The following ZPBP variants were observed in gnomAD, a reference collection of about 807,000 sequenced individuals.
The protein encoded by ZPBP is zona pellucida binding protein.
In ZPBP, 26 loss-of-function variants were observed where a neutral mutation model predicts 44.8. That is an observed-to-expected ratio of 0.58 (90% CI 0.43 to 0.81). The LOEUF (loss-of-function observed/expected upper bound fraction) is 0.81, where lower values mean the gene tolerates loss of function less well. Among genes scored for constraint, ZPBP ranks in the 30% least tolerant of loss-of-function variants. The pLI is 0.00. For missense variants in ZPBP, 409 were observed against 434.0 expected, an observed-to-expected ratio of 0.94 and a Z score of 0.51; for synonymous variants, 174 against 153.2, an observed-to-expected ratio of 1.14 and a Z score of -1.00.
rs184249442 is a variant in ZPBP at position 50,059,989 on chromosome 7, G to A, written c.335-1848C>T. ...CAGAAGGAAGGCATTGAGAGTAGTC[G>A]GAGGGAGGACACAGATCCTGGACTG... On this transcript the variant is annotated intron_variant, in intron 3 of 7. Coordinates refer to ENST00000046087, the MANE Select transcript of ZPBP (RefSeq NM_007009.3). 6.6e-5 allele frequency among the ~76,000 whole-genome samples: 10 copies of A among 152,090 alleles called. No individual in the cohort carries two copies. In the East Asian group the frequency reaches 9.7e-4, roughly 15 times the overall value.
chr7:49,936,399 T>C (rs1794621584), downstream of ZPBP, among the ~76,000 whole-genome samples: 1 of 152,344 alleles, frequency 6.6e-6, no homozygotes. Context: ...GTTATATTTG[T>C]ACATAGCATG....
chr7:50,086,018 A>G (rs1802622615), intron 2 of ZPBP, among the ~76,000 whole-genome samples: 1 of 152,134 alleles, frequency 6.6e-6, no homozygotes, highest in Admixed American at 6.6e-5. Flanking sequence ...GTACGTCACA[A>G]CGTGCACAAA....
chr7:49,910,453 GC>G (rs1403876438), intron 1 of ZPBP, among the ~76,000 whole-genome samples: 1 of 152,146 alleles, frequency 6.6e-6, no homozygotes, highest in Non-Finnish European at 1.5e-5. Context: ...TGAGAATTTT[GC>G]AAACTGTTGA....
intron 4 of ZPBP, among the ~76,000 whole-genome samples, chr7:50,041,040 T>G (rs1277390320): frequency 6.6e-6 from 1 of 152,162 alleles, no homozygotes; most frequent in Non-Finnish European, 1.5e-5. Flanking sequence ...TAAAGCTGCC[T>G]GGAAGTTTGA....
At chr7:49,961,803 T>C (rs889768233) in intron 7 of ZPBP, among the ~76,000 whole-genome samples, 1 of 152,092 alleles carries the variant, frequency 6.6e-6, no homozygotes, top group Non-Finnish European at 1.5e-5. Flanking sequence ...TGTTGAGGAC[T>C]TCATAGGAGG....
At chr7:49,882,095 G>C (rs1012712754) in intron 2 of ZPBP, among the ~76,000 whole-genome samples, 36 of 152,186 alleles carry the variant, frequency 2.4e-4, no homozygotes, top group African/African-American at 8.7e-4. Flanking sequence ...AACAAAAAAT[G>C]ATGTATAAAC....
chr7:50,085,480 C>G (rs962541011), intron 2 of ZPBP, among the ~76,000 whole-genome samples: 1 of 151,994 alleles, frequency 6.6e-6, no homozygotes, highest in Admixed American at 6.6e-5. Context: ...CCATGACAAC[C>G]AACAGTTTAC....
At chr7:49,924,863 C>T (rs535383332) in intron 1 of ZPBP, among the ~76,000 whole-genome samples, 14 of 152,208 alleles carry the variant, frequency 9.2e-5, no homozygotes, top group African/African-American at 1.7e-4. Flanking sequence ...GTCTGTTCCA[C>T]GGCTTCCTTA....
rs750530637 is a variant in ZPBP, at chr7:50,018,193, T to C, written c.783+47A>G. 8 of 1,412,196 alleles carry C rather than the reference T, an allele frequency of 5.7e-6. No homozygotes were observed. In the African/African-American group the frequency reaches 9.9e-5, roughly 17 times the overall value. 87.5% of individuals were successfully genotyped at this position (1,412,196 alleles called of 1,614,324 possible). ...AGGATGCTTACTTACACATGGGGCA[T>C]GTTCATTTAACTTTTTTTTTCCTTT... On this transcript the variant is annotated intron_variant, in intron 6 of 7. Transcript: ENST00000046087.
At chr7:49,853,436 G>C (rs1234567035) in intron 2 of ZPBP, among the ~76,000 whole-genome samples, 1 of 152,122 alleles carries the variant, frequency 6.6e-6, no homozygotes, top group Non-Finnish European at 1.5e-5. Context: ...AGCTCTGCTG[G>C]GCATCGGGGC....
At chr7:50,092,735 T>C (rs983812623) in intron 1 of ZPBP, 6 of 212,862 alleles carry the variant, frequency 2.8e-5, no homozygotes, top group Non-Finnish European at 4.6e-5. Context: ...ACTGATCTCA[T>C]CATTACAGAG....
intron 4 of ZPBP, among the ~76,000 whole-genome samples, chr7:50,033,946 G>C (rs1207755999): frequency 6.6e-6 from 1 of 152,002 alleles, no homozygotes; most frequent in East Asian, 1.9e-4. Context: ...ACTTGCCTCG[G>C]CCTCCCAAAG....
chr7:49,979,312 G>T (rs1484040079), intron 7 of ZPBP, among the ~76,000 whole-genome samples: 1 of 151,796 alleles, frequency 6.6e-6, no homozygotes, highest in Admixed American at 6.6e-5. Flanking sequence ...ACAGTCTCTT[G>T]TTCCCTAATT....
intron 2 of ZPBP, among the ~76,000 whole-genome samples, chr7:49,872,915 C>CAAAAAAAAAAAAAAAA (rs61473396): frequency 2.1e-4 from 7 of 33,948 alleles, no homozygotes; most frequent in Non-Finnish European, 3.2e-4. Flanking sequence ...GACTTTGTCT[C>CAAAAAAAAAAAAAAAA]AAAAAAAAAA....
intron 2 of ZPBP, among the ~76,000 whole-genome samples, chr7:49,888,915 A>G (rs1792014427): frequency 6.6e-6 from 1 of 152,072 alleles, no homozygotes; most frequent in South Asian, 2.1e-4. Flanking sequence ...TCATCTCAAA[A>G]AAAACAAAAA....
chr7:49,978,631 G>C (rs1484837178), intron 7 of ZPBP, among the ~76,000 whole-genome samples: 10 of 151,706 alleles, frequency 6.6e-5, no homozygotes, highest in Non-Finnish European at 1.3e-4. Context: ...GACAGAAGTT[G>C]TTTCATGAGA....
Position 49,959,814 on chromosome 7 carries a change from G to T in ZPBP, c.962-22192C>A, listed in dbSNP as rs1276450450. Among the ~76,000 whole-genome samples, 3 of 152,098 alleles carry T rather than the reference G, an allele frequency of 2.0e-5. No homozygotes were observed. The South Asian group carries it at 6.2e-4, about 32-fold the overall frequency. On this transcript the variant is annotated intron_variant, in intron 7 of 7. Coordinates refer to ENST00000046087, the MANE Select transcript of ZPBP (RefSeq NM_007009.3). ...CAATCTTTAAAATAAAAACAAAGCT[G>T]GAGGATTATCCTATGTGATTTCAAT...
At chr7:49,872,392 C>T (rs989422068) in intron 2 of ZPBP, among the ~76,000 whole-genome samples, 1 of 151,820 alleles carries the variant, frequency 6.6e-6, no homozygotes, top group African/African-American at 2.4e-5. Flanking sequence ...ATTGGGTTTA[C>T]ACAGAAAAAA....
chr7:50,071,811 G>A (rs1260918012), intron 3 of ZPBP, among the ~76,000 whole-genome samples: 1 of 152,098 alleles, frequency 6.6e-6, no homozygotes, highest in Non-Finnish European at 1.5e-5. Flanking sequence ...ACCCAGTCCT[G>A]GCAGCATTCA....
Sources: allele counts gnomAD v4.1 joint callset (sites outside exome capture counted in the v4.1 genomes callset), GRCh38; gene constraint gnomAD v4.1.1; transcripts MANE v1.5; gene names NCBI Gene and HGNC (gene_info 2026-07-23, HGNC 2026-07-21).